ESR1: variants seen among roughly 807,000 people sequenced by gnomAD.
ESR1 encodes the protein estrogen receptor 1.
A neutral mutation model predicts 52.7 loss-of-function variants in ESR1; 12 were observed. The observed-to-expected ratio is 0.23, with a 90% CI of 0.15 to 0.37. The LOEUF (loss-of-function observed/expected upper bound fraction) is 0.37, where lower values mean the gene tolerates loss of function less well. ESR1 is among the 10% of genes least tolerant of loss of function. ESR1 has a pLI of 1.00. For missense variants in ESR1, 584 were observed against 779.7 expected, an observed-to-expected ratio of 0.75 and a Z score of 2.99; for synonymous variants, 305 against 316.8, an observed-to-expected ratio of 0.96 and a Z score of 0.39.
intron 2 of ESR1, among the ~76,000 whole-genome samples, chr6:151,847,311 A>T (rs62442056): frequency 0.23 from 35,385 of 152,110 alleles, 5,061 homozygotes; most frequent in Middle Eastern, 0.38. Context: ...CTTATTTGCT[A>T]AAGAACTCAA....
chr6:152,065,533 C>G (rs1384867100), intron 6 of ESR1, among the ~76,000 whole-genome samples: 1 of 152,178 alleles, frequency 6.6e-6, no homozygotes, highest in Non-Finnish European at 1.5e-5. Flanking sequence ...ATAATTATTT[C>G]TACCTCTTTT....
intron 6 of ESR1, among the ~76,000 whole-genome samples, chr6:152,062,779 G>T (rs752410825): frequency 1.3e-5 from 2 of 152,026 alleles, no homozygotes; most frequent in Non-Finnish European, 2.9e-5. Context: ...TCCCCACCCC[G>T]AACTTTTACT....
At chr6:151,939,345 G>A (rs572313897) in intron 3 of ESR1, among the ~76,000 whole-genome samples, 1 of 152,266 alleles carries the variant, frequency 6.6e-6, no homozygotes, top group South Asian at 2.1e-4. Context: ...GTTGGGGGGT[G>A]AACTTAAGTA....
chr6:152,122,683 G>T lies in ESR1; in HGVS notation c.851-2583G>T, dbSNP rs2051693616. The T allele has an allele frequency of 6.2e-7, 1 of 1,613,764 alleles. No individual in the cohort carries two copies. Among genetic ancestry groups the T allele is most frequent in the Non-Finnish European group, 8.5e-7 (1 of 1,179,884 alleles). ...GGAGCCACCTTTTGTGGACCTGAGA[G>T]AAGAATGGACATAAATTACTCAGAT... On this transcript the variant is annotated intron_variant, in intron 6 of 6. Coordinates refer to the ESR1 transcript ENST00000427531.
At chr6:152,019,592 A>G (rs952079892) in intron 5 of ESR1, among the ~76,000 whole-genome samples, 1 of 152,180 alleles carries the variant, frequency 6.6e-6, no homozygotes, top group Non-Finnish European at 1.5e-5. Context: ...TCTTCTTAAC[A>G]TTTTTACACA....
intron 4 of ESR1, among the ~76,000 whole-genome samples, chr6:151,945,380 T>A (rs1233350602): frequency 6.6e-6 from 1 of 152,206 alleles, no homozygotes; most frequent in Non-Finnish European, 1.5e-5. Flanking sequence ...TAAGGTATCA[T>A]CCCTGAAAGA....
intron 3 of ESR1, among the ~76,000 whole-genome samples, chr6:151,900,854 G>A (rs1446209424): frequency 1.3e-5 from 2 of 152,240 alleles, no homozygotes; most frequent in Non-Finnish European, 2.9e-5. Flanking sequence ...TGGCAGGGGA[G>A]TGAAATGGAC....
intron 3 of ESR1, among the ~76,000 whole-genome samples, chr6:151,906,041 C>A (rs1471059486): frequency 1.3e-5 from 2 of 152,008 alleles, no homozygotes; most frequent in Non-Finnish European, 2.9e-5. Flanking sequence ...TGCAAAAATT[C>A]AAAAAATTGC....
rs1262574683 is a variant in ESR1, at chr6:151,962,958, C to T, written c.1096+18450C>T. 2.6e-5 allele frequency among the ~76,000 whole-genome samples: 4 copies of T among 152,094 alleles called. No individual in the cohort carries two copies. The South Asian group carries it at 8.3e-4, about 32-fold the overall frequency. On this transcript the variant is annotated intron_variant, in intron 4 of 7. Transcript: ENST00000206249. ...TGAATAATATAAGCATATAGTTTTGCATAGATTTGAGTTCGCTGTTACAGT... is the reference window on the plus strand; with the variant it reads ...TGAATAATATAAGCATATAGTTTTGTATAGATTTGAGTTCGCTGTTACAGT...
At chr6:151,795,731 T>G (rs1236320252) in intron 2 of ESR1, among the ~76,000 whole-genome samples, 2 of 152,174 alleles carry the variant, frequency 1.3e-5, no homozygotes, top group African/African-American at 4.8e-5. Flanking sequence ...TATGTACAAA[T>G]TTACTAATTG....
chr6:151,953,505 G>A (rs951330946), intron 4 of ESR1, among the ~76,000 whole-genome samples: 2 of 152,028 alleles, frequency 1.3e-5, no homozygotes, highest in Non-Finnish European at 2.9e-5. Flanking sequence ...GGCGGATCAC[G>A]AGGTCAAGAG....
At position 151,907,400 on chromosome 6, in the gene ESR1, C is replaced by T. The variant is rs559194900; in HGVS notation, c.760+26629C>T. On this transcript the variant is annotated intron_variant, in intron 3 of 7. Coordinates refer to ENST00000206249, the MANE Select transcript of ESR1 (RefSeq NM_000125.4). ...TTCTAATAAAGTTTTTCAATTTTCT[C>T]CAAAATATCTTACATATTAAAATTT... Among the ~76,000 whole-genome samples, 6 of 152,106 alleles carry T rather than the reference C, an allele frequency of 3.9e-5. No individual in the cohort carries two copies. In the South Asian group the frequency reaches 1.2e-3, roughly 32 times the overall value.
rs192555961 is a variant in ESR1 at position 151,883,626 on chromosome 6, G to T, written c.760+2855G>T. 2.3e-3 allele frequency among the ~76,000 whole-genome samples: 343 copies of T among 152,174 alleles called. 1 individual carries two copies. The highest frequency in any genetic ancestry group is 8.0e-3 in the African/African-American group (332 of 41,538). On this transcript the variant is annotated intron_variant, in intron 3 of 7. Coordinates refer to ENST00000206249, the MANE Select transcript of ESR1 (RefSeq NM_000125.4). ...ATTTCCAAATATAGTCATACCAGGGGCTAGGGCTTCAACATACAAGTTTTG... is the reference window on the plus strand; with the variant it reads ...ATTTCCAAATATAGTCATACCAGGGTCTAGGGCTTCAACATACAAGTTTTG...
intron 1 of ESR1, chr6:151,656,827 T>C (rs1045362964): frequency 1.6e-4 from 24 of 152,152 alleles, no homozygotes; most frequent in African/African-American, 5.1e-4. Flanking sequence ...AAGATGACTA[T>C]GTAAGGAGGT....
intron 4 of ESR1, among the ~76,000 whole-genome samples, chr6:151,977,825 C>G (rs2039588182): frequency 6.6e-6 from 1 of 151,256 alleles, no homozygotes; most frequent in South Asian, 2.1e-4. Flanking sequence ...AAAGTGACTG[C>G]AGGGGACTGG....
intron 1 of ESR1, among the ~76,000 whole-genome samples, chr6:151,684,065 A>G (rs1427637369): frequency 1.3e-5 from 2 of 152,026 alleles, no homozygotes; most frequent in Non-Finnish European, 2.9e-5. Context: ...CCTCAGGATC[A>G]TATCTGTTCT....
rs1053019026 is a variant in ESR1 at position 152,053,551 on chromosome 6, CCTCT to C, written c.1236-7437_1236-7434del. Among the ~76,000 whole-genome samples the C allele has an allele frequency of 2.6e-5, 4 of 151,262 alleles. No homozygotes were observed. The highest frequency in any genetic ancestry group is 9.7e-5 in the African/African-American group (4 of 41,224). ...ATCTCTCTCTTCCTCTCTCTCTTAT[CCTCT>C]CTTTCTCTCAATCCCTCTCTCCCTC... On this transcript the variant is annotated intron_variant, in intron 5 of 7. Transcript: ENST00000206249. The surrounding 1 kb of genome is among the most constrained non-coding windows in gnomAD (Gnocchi z 4.1).
rs546671740 is a variant in ESR1 at position 152,043,773 on chromosome 6, T to TA, written c.1236-17217dup. ...TTTAGAAGCTCAGTGCCCCCAGCCTTATCAGGGTCCTCCCGCATGGCCCCA... is the reference window on the plus strand; with the variant it reads ...TTTAGAAGCTCAGTGCCCCCAGCCTTAATCAGGGTCCTCCCGCATGGCCCCA... On this transcript the variant is annotated intron_variant, in intron 5 of 7. Coordinates refer to ENST00000206249, the MANE Select transcript of ESR1 (RefSeq NM_000125.4). Among the ~76,000 whole-genome samples the TA allele has an allele frequency of 3.9e-5, 6 of 152,252 alleles. No individual in the cohort carries two copies. The South Asian group carries it at 1.2e-3, about 32-fold the overall frequency.
chr6:151,810,358 C>G (rs1244054025), intron 1 of ESR1, among the ~76,000 whole-genome samples: 1 of 151,932 alleles, frequency 6.6e-6, no homozygotes, highest in Admixed American at 6.6e-5. Context: ...TGTTTTATTT[C>G]CCGGATTATC....
Sources: allele counts gnomAD v4.1 joint callset (sites outside exome capture counted in the v4.1 genomes callset), GRCh38; gene constraint gnomAD v4.1.1; non-coding constraint Gnocchi (gnomAD v3.1); transcripts MANE v1.5; gene names NCBI Gene and HGNC (gene_info 2026-07-23, HGNC 2026-07-21).